KCNQ1OT1: variants seen among roughly 807,000 people sequenced by gnomAD.
KCNQ1OT1 encodes the protein KCNQ1 opposite strand/antisense transcript 1, also known as KCNQ1 antisense RNA 2 (non-protein coding).
At chr11:2,684,354 G>C (rs763414882) in exon 1 of KCNQ1OT1, 7 of 398,484 alleles carry the variant, frequency 1.8e-5, no homozygotes, top group Non-Finnish European at 2.7e-5. Flanking sequence ...TTGAGGCCTG[G>C]GACTTGCTGC....
chr11:2,696,965 C>T (rs139311778), exon 1 of KCNQ1OT1: 5 of 398,276 alleles, frequency 1.3e-5, no homozygotes, highest in African/African-American at 6.2e-5. Flanking sequence ...TGTTAAGTTC[C>T]TTAATTTTTT....
chr11:2,696,929 T>G, exon 1 of KCNQ1OT1: 3 of 398,590 alleles, frequency 7.5e-6, no homozygotes, highest in Non-Finnish European at 1.3e-5. Flanking sequence ...CCAAAACCTC[T>G]CTGAAATCTG....
In KCNQ1OT1 at chr11:2,647,502, C is replaced by T; in HGVS notation, n.52493G>A. The stretch of plus-strand genomic sequence containing the variant: ...CTTATCTGGTTTTGGTATCAAGATA[C>T]TGCTTGCCTCACAGAATGAGTTAGG... On this transcript the variant is annotated non_coding_transcript_exon_variant, in exon 1 of 1. Transcript: ENST00000597346. The surrounding 1 kb of genome is among the most constrained non-coding windows in gnomAD (Gnocchi z 4.0). 1 of 398,514 alleles carries T rather than the reference C, an allele frequency of 2.5e-6. No homozygotes were observed. Among genetic ancestry groups the T allele is most frequent in the African/African-American group, 2.1e-5 (1 of 48,730 alleles). 24.7% of individuals were successfully genotyped at this position (398,514 alleles called of 1,614,324 possible). A position where few individuals can be genotyped will look rare whatever the true frequency, so the allele number is the denominator to read the frequency against.
chr11:2,664,111 A>T lies in KCNQ1OT1; in HGVS notation n.35884T>A, dbSNP rs1445244688. 1 of 398,606 alleles carries T rather than the reference A, an allele frequency of 2.5e-6. No individual in the cohort carries two copies. Among genetic ancestry groups the T allele is most frequent in the Non-Finnish European group, 4.4e-6 (1 of 226,140 alleles). The allele number at this position is 398,606 out of a possible 1,614,324, so 24.7% of individuals were successfully genotyped here. A position where few individuals can be genotyped will look rare whatever the true frequency, so the allele number is the denominator to read the frequency against. On this transcript the variant is annotated non_coding_transcript_exon_variant, in exon 1 of 1. Transcript: ENST00000597346. The surrounding 1 kb of genome is among the most constrained non-coding windows in gnomAD (Gnocchi z 5.1). ...CAGAGACTCCAGTCATTACCCAACC[A>T]GGTCCCTGCCCTGTAACTTACCAAG...
chr11:2,615,006 T>C (rs79323575), exon 1 of KCNQ1OT1: 7,234 of 398,436 alleles, frequency 0.018, 284 homozygotes, highest in East Asian at 0.11. Context: ...TAACAATATT[T>C]AATCTTCCAA....
rs1260565363 is a variant in KCNQ1OT1 at position 2,668,806 on chromosome 11, G to C, written n.31189C>G. 4 of 398,454 alleles carry C rather than the reference G, an allele frequency of 1.0e-5. No homozygotes were observed. Among genetic ancestry groups the C allele is most frequent in the Admixed American group, 4.4e-5 (1 of 22,710 alleles). 24.7% of individuals were successfully genotyped at this position (398,454 alleles called of 1,614,324 possible). ...ATGAACAGAAGGTCTTAATTTTCAT[G>C]TGGTCCAGTTAATCAAACATTTCCT... On this transcript the variant is annotated non_coding_transcript_exon_variant, in exon 1 of 1. Coordinates refer to ENST00000597346, the Ensembl canonical transcript of KCNQ1OT1. The surrounding 1 kb of genome is among the most constrained non-coding windows in gnomAD (Gnocchi z 4.3).
In KCNQ1OT1 at chr11:2,683,896, A is replaced by G; in HGVS notation, n.16099T>C. ...CTCTTCCAAATCATAAATGCAAAAG[A>G]TGGCCAAAGGTGCATGCTCTGTGAC... On this transcript the variant is annotated non_coding_transcript_exon_variant, in exon 1 of 1. Coordinates refer to ENST00000597346, the Ensembl canonical transcript of KCNQ1OT1. This position sits in a 1 kb window ranked among gnomAD's most constrained non-coding sequence, Gnocchi z 4.7. 2.5e-6 allele frequency: 1 copy of G among 397,856 alleles called. No individual in the cohort carries two copies. The highest frequency in any genetic ancestry group is 2.1e-5 in the African/African-American group (1 of 48,486). The allele number at this position is 397,856 out of a possible 1,614,324, so 24.6% of individuals were successfully genotyped here.
In KCNQ1OT1 at chr11:2,611,701, A is replaced by G. The variant is rs1848981773; in HGVS notation, n.88294T>C. The G allele has an allele frequency of 5.0e-6, 2 of 398,382 alleles. No homozygotes were observed. Among genetic ancestry groups the G allele is most frequent in the Non-Finnish European group, 8.8e-6 (2 of 226,044 alleles). The allele number at this position is 398,382 out of a possible 1,614,324, so 24.7% of individuals were successfully genotyped here. On this transcript the variant is annotated non_coding_transcript_exon_variant, in exon 1 of 1. Coordinates refer to ENST00000597346, the Ensembl canonical transcript of KCNQ1OT1. This position sits in a 1 kb window ranked among gnomAD's most constrained non-coding sequence, Gnocchi z 5.3. Reference sequence around the variant, plus strand: ...TCTTTATTGAGTTTTTAATTCACTTATATGTAATATAATTATTGATATGGA... The same window carrying G: ...TCTTTATTGAGTTTTTAATTCACTTGTATGTAATATAATTATTGATATGGA...
chr11:2,624,506 T>C lies in KCNQ1OT1; in HGVS notation n.75489A>G. The stretch of plus-strand genomic sequence containing the variant: ...AGCCATCACCAAACTAAAGATCATC[T>C]AGATTTCTTCCTATGTTATCTTCTG... On this transcript the variant is annotated non_coding_transcript_exon_variant, in exon 1 of 1. Coordinates refer to ENST00000597346, the Ensembl canonical transcript of KCNQ1OT1. This position sits in a 1 kb window ranked among gnomAD's most constrained non-coding sequence, Gnocchi z 4.9. 2.5e-6 allele frequency: 1 copy of C among 398,532 alleles called. No individual in the cohort carries two copies. 24.7% of individuals were successfully genotyped at this position (398,532 alleles called of 1,614,324 possible). A position where few individuals can be genotyped will look rare whatever the true frequency, so the allele number is the denominator to read the frequency against.
At chr11:2,646,017 C>T (rs1849660193) in exon 1 of KCNQ1OT1, 1 of 398,520 alleles carries the variant, frequency 2.5e-6, no homozygotes, top group Non-Finnish European at 4.4e-6. Flanking sequence ...ACTAGGGGCT[C>T]ACTTACTTAC....
Position 2,651,851 on chromosome 11 carries a change from C to T in KCNQ1OT1, n.48144G>A, listed in dbSNP as rs1849760979. The T allele has an allele frequency of 2.5e-6, 1 of 398,674 alleles. No homozygotes were observed. The highest frequency in any genetic ancestry group is 2.1e-5 in the African/African-American group (1 of 48,752). 24.7% of individuals were successfully genotyped at this position (398,674 alleles called of 1,614,324 possible). A position where few individuals can be genotyped will look rare whatever the true frequency, so the allele number is the denominator to read the frequency against. ...GGACCATACCAGACAGATGCCACCA[C>T]ATCTTTTCTTGAAGTAGTGTTCAGG... is the stretch of plus-strand genomic sequence containing the variant. On this transcript the variant is annotated non_coding_transcript_exon_variant, in exon 1 of 1. Transcript: ENST00000597346. This position sits in a 1 kb window ranked among gnomAD's most constrained non-coding sequence, Gnocchi z 6.1.
At chr11:2,680,162 G>T in exon 1 of KCNQ1OT1, 1 of 395,210 alleles carries the variant, frequency 2.5e-6, no homozygotes, top group East Asian at 3.6e-5. Context: ...AAAGTGCTGG[G>T]ATTACGGGCG....
chr11:2,663,676 C>G lies in KCNQ1OT1; in HGVS notation n.36319G>C. On this transcript the variant is annotated non_coding_transcript_exon_variant, in exon 1 of 1. Coordinates refer to ENST00000597346, the Ensembl canonical transcript of KCNQ1OT1. The surrounding 1 kb of genome is among the most constrained non-coding windows in gnomAD (Gnocchi z 5.2). ...GAGAGGGCCATCACCCACAGTCCATCTAGCTGGGCAGCCAGGCCTTACCAA... is the reference window on the plus strand; with the variant it reads ...GAGAGGGCCATCACCCACAGTCCATGTAGCTGGGCAGCCAGGCCTTACCAA... The G allele has an allele frequency of 5.0e-6, 2 of 398,736 alleles. No individual in the cohort carries two copies. Among genetic ancestry groups the G allele is most frequent in the Non-Finnish European group, 8.8e-6 (2 of 226,128 alleles). The allele number at this position is 398,736 out of a possible 1,614,324, so 24.7% of individuals were successfully genotyped here.
exon 1 of KCNQ1OT1, chr11:2,628,234 T>A (rs1849291870): frequency 5.0e-6 from 2 of 398,494 alleles, no homozygotes; most frequent in Non-Finnish European, 8.8e-6. Context: ...AATGACTGTA[T>A]CAATTTACAT....
exon 1 of KCNQ1OT1, chr11:2,662,205 C>T (rs1849972138): frequency 1.5e-6 from 2 of 1,356,288 alleles, no homozygotes; most frequent in Non-Finnish European, 2.1e-6. Flanking sequence ...GTGCCCACCA[C>T]TTGCCGTCTG....
rs1849006532 is a variant in KCNQ1OT1 at position 2,613,033 on chromosome 11, G to A, written n.86962C>T. ...ATTCTTATGTTTGTTTTGTAAGCCTGGCTTCATTGGTGTCACCCCTGGATC... is the reference window on the plus strand; with the variant it reads ...ATTCTTATGTTTGTTTTGTAAGCCTAGCTTCATTGGTGTCACCCCTGGATC... On this transcript the variant is annotated non_coding_transcript_exon_variant, in exon 1 of 1. Coordinates refer to ENST00000597346, the Ensembl canonical transcript of KCNQ1OT1. The surrounding 1 kb of genome is among the most constrained non-coding windows in gnomAD (Gnocchi z 4.8). 2 of 398,430 alleles carry A rather than the reference G, an allele frequency of 5.0e-6. No individual in the cohort carries two copies. Among genetic ancestry groups the A allele is most frequent in the Non-Finnish European group, 4.4e-6 (1 of 226,078 alleles). The allele number at this position is 398,430 out of a possible 1,614,324, so 24.7% of individuals were successfully genotyped here. A position where few individuals can be genotyped will look rare whatever the true frequency, so the allele number is the denominator to read the frequency against.
In KCNQ1OT1 at chr11:2,609,741, CT is replaced by C. The variant is rs1235857367; in HGVS notation, n.90253del. ...TATATGTTTATAATCATTGTATCTT[CT>C]CATGAATTGACATTTTATCATTATG... On this transcript the variant is annotated non_coding_transcript_exon_variant, in exon 1 of 1. Coordinates refer to ENST00000597346, the Ensembl canonical transcript of KCNQ1OT1. 1.0e-5 allele frequency: 4 copies of C among 398,150 alleles called. No individual in the cohort carries two copies. The East Asian group carries it at 1.4e-4, about 14-fold the overall frequency. 24.7% of individuals were successfully genotyped at this position (398,150 alleles called of 1,614,324 possible).
chr11:2,636,843 A>G (rs1378588709), exon 1 of KCNQ1OT1: 1 of 152,164 alleles, frequency 6.6e-6, no homozygotes, highest in Non-Finnish European at 1.5e-5. Context: ...TAGACTATTA[A>G]TTATTGCCTA....
chr11:2,666,373 G>C (rs1850067537), exon 1 of KCNQ1OT1: 1 of 398,544 alleles, frequency 2.5e-6, no homozygotes, highest in African/African-American at 2.1e-5. Flanking sequence ...GGCCTCTTGT[G>C]ACATGACAGC....
Sources: gnomAD v4.1 joint callset for allele counts on GRCh38, gnomAD v4.1.1 for gene constraint, Gnocchi (gnomAD v3.1) non-coding constraint, MANE v1.5 for transcripts, NCBI Gene and HGNC (gene_info 2026-07-23, HGNC 2026-07-21) for gene names.